The following COL6A1 variants were observed in gnomAD, a reference collection of about 807,000 sequenced individuals.
COL6A1 encodes the protein collagen alpha-1(VI) chain.
In COL6A1, 80 loss-of-function variants were observed where a neutral mutation model predicts 145.6. The observed-to-expected ratio is 0.55, with a 90% CI of 0.46 to 0.66. COL6A1 has a LOEUF of 0.66. Ranked by LOEUF, COL6A1 falls within the 30% of genes least tolerant of loss-of-function variation. COL6A1 has a pLI of 0.00. For missense variants in COL6A1, 1,364 were observed against 1,473.8 expected, an observed-to-expected ratio of 0.93 and a Z score of 1.22; for synonymous variants, 638 against 622.8, an observed-to-expected ratio of 1.02 and a Z score of -0.36.
At chr21:45,997,950 G>A (rs902892856) in intron 22 of COL6A1, among the ~76,000 whole-genome samples, 171 bp from the exon 23 acceptor site, 9 of 152,124 alleles carry the variant, frequency 5.9e-5, no homozygotes, top group Non-Finnish European at 8.8e-5. Context: ...CTCCTGCCCC[G>A]AGATCCGGGT....
chr21:46,001,141 C>T, intron 29 of COL6A1, 112 bp from the exon 30 acceptor site: 1 of 1,448,654 alleles, frequency 6.9e-7, no homozygotes, highest in Non-Finnish European at 9.4e-7. Flanking sequence ...GGGGGGACCC[C>T]AACGTGTCAG....
Position 45,982,705 on chromosome 21 carries a change from G to C in COL6A1, c.169G>C (p.Ala57Pro). Residue 57 changes from alanine (A) to proline (P), a missense_variant, in exon 2 of 35, where the codon GCC becomes CCC. Coordinates refer to ENST00000361866, the MANE Select transcript of COL6A1 (RefSeq NM_001848.3). ...SVALRLKPYG[A>P]LVDKVKSFTK... is the part of the protein sequence containing the mutation. ...GGCCCTGAGGCTGAAGCCCTACGGG[G>C]CCCTCGTGGACAAAGTCAAGTCCTT... 6.2e-7 allele frequency: 1 copy of C among 1,612,862 alleles called. No homozygotes were observed. The highest frequency in any genetic ancestry group is 8.5e-7 in the Non-Finnish European group (1 of 1,179,974).
At chr21:45,998,847 T>C in intron 24 of COL6A1, 50 bp from the exon 25 acceptor site, 2 of 1,544,634 alleles carry the variant, frequency 1.3e-6, no homozygotes, top group Non-Finnish European at 1.8e-6. Context: ...TTCCACTTCC[T>C]AAAAACAAAA....
chr21:45,997,452 A>G lies in COL6A1; in HGVS notation c.1430A>G (p.Tyr477Cys), dbSNP rs2077811667. Residue 477 changes from tyrosine to cysteine, a missense_variant, in exon 21 of 35, where the codon TAC (tyrosine) becomes TGC (cysteine). Around this residue, in one of 3 missense-constraint regions of COL6A1, gnomAD observed 938 missense variants for 1,003.8 expected, o/e 0.93. Transcript: ENST00000361866. ...GEAGPIGPKG[Y>C]RGDEGPPGSE... ...GCTGGCCCTATCGGACCTAAAGGCT[A>G]CCGAGGCGATGAGGGTCCCCCAGGG... The G allele has an allele frequency of 6.2e-7, 1 of 1,612,680 alleles. No homozygotes were observed. Among genetic ancestry groups the G allele is most frequent in the Non-Finnish European group, 8.5e-7 (1 of 1,179,864 alleles).
intron 24 of COL6A1, among the ~76,000 whole-genome samples, 153 bp downstream of exon 24, chr21:45,998,586 G>T (rs1238740766): frequency 6.6e-6 from 1 of 152,234 alleles, no homozygotes. Flanking sequence ...TGTGGCCACA[G>T]CCCCAGTTGG....
At position 46,000,371 on chromosome 21, in the gene COL6A1, A is replaced by G; in HGVS notation, c.1813+4A>G. The G allele has an allele frequency of 6.2e-7, 1 of 1,613,936 alleles. No individual in the cohort carries two copies. Among genetic ancestry groups the G allele is most frequent in the Non-Finnish European group, 8.5e-7 (1 of 1,179,888 alleles). ...GACATCATCATGAAAATGTGCTGTG[A>G]GTATCTCTGAGAAGCCGTCCTCGTT... On this transcript the variant is annotated splice_donor_region_variant and intron_variant, in intron 28 of 34. Transcript: ENST00000361866.
intron 21 of COL6A1, 27 bp from the exon 22 acceptor site, chr21:45,997,673 C>T (rs1432193029): frequency 1.3e-6 from 2 of 1,574,594 alleles, no homozygotes; most frequent in Non-Finnish European, 1.7e-6. Flanking sequence ...TAAGCCTGCT[C>T]CCCTCACGCC....
Position 45,987,154 on chromosome 21 carries a change from GA to G in COL6A1, c.722del (p.Asn241IlefsTer60). The G allele has an allele frequency of 6.3e-7, 1 of 1,598,698 alleles. No homozygotes were observed. Among genetic ancestry groups the G allele is most frequent in the Non-Finnish European group, 8.5e-7 (1 of 1,175,888 alleles). ...QTIDTIVDMIKNNVEQVCCSF... is the reference protein window; with the variant it reads ...QTIDTIVDMIXNNVEQVCCSF... ...TTCTGCGTTTCCATTTCTCTTTCCA[GA>G]AAAATAACGTGGAGCAAGTGGTAAG... On this transcript the variant is annotated frameshift_variant and splice_region_variant, in exon 6 of 35. Coordinates refer to ENST00000361866, the MANE Select transcript of COL6A1 (RefSeq NM_001848.3). LOFTEE classifies it high-confidence loss of function.
Position 46,003,571 on chromosome 21 carries a change from G to T in COL6A1, c.2645G>T (p.Gly882Val), listed in dbSNP as rs1274335165. 1 of 1,612,578 alleles carries T rather than the reference G, an allele frequency of 6.2e-7. No individual in the cohort carries two copies. Among genetic ancestry groups the T allele is most frequent in the Non-Finnish European group, 8.5e-7 (1 of 1,179,720 alleles). Residue 882 changes from glycine (G) to valine (V), a missense_variant, in exon 35 of 35, where the codon GGC becomes GTC. Around this residue, in one of 3 missense-constraint regions of COL6A1, gnomAD observed 938 missense variants for 1,003.8 expected, o/e 0.93. Coordinates refer to ENST00000361866, the MANE Select transcript of COL6A1 (RefSeq NM_001848.3). ...RVAVVQYSGT[G>V]QQRPERASLQ... ...GCGGTGGTGCAGTACAGCGGCACGG[G>T]CCAGCAGCGCCCAGAGCGGGCGTCG...
At chr21:45,991,232 G>A (rs1024689053) in intron 15 of COL6A1, among the ~76,000 whole-genome samples, 191 bp downstream of exon 15, 4 of 152,234 alleles carry the variant, frequency 2.6e-5, no homozygotes, top group Non-Finnish European at 5.9e-5. Flanking sequence ...GGGGACAGTG[G>A]CCGTGGCGCT....
intron 28 of COL6A1, 126 bp from the exon 29 acceptor site, chr21:46,000,633 A>G (rs925602861): frequency 2.2e-6 from 3 of 1,363,146 alleles, no homozygotes; most frequent in East Asian, 2.3e-5. Flanking sequence ...GAGGCCGGGG[A>G]AGGGGGGAGG....
Position 45,992,370 on chromosome 21 carries a change from C to T in COL6A1, c.1244C>T (p.Pro415Leu), listed in dbSNP as rs748486663. The change falls in exon 18 of 35, where the codon CCA becomes CTA. Residue 415 changes from proline to leucine, a missense_variant. By Grantham distance (98) the Pro-to-Leu change is moderately conservative. This residue lies in a region of COL6A1 where 938 missense variants were observed against 1,003.8 expected (regional missense o/e 0.93). Coordinates refer to ENST00000361866, the MANE Select transcript of COL6A1 (RefSeq NM_001848.3). Reference sequence around the variant, plus strand: ...TGTTTCTCTTCATCCCAGGGGAACCCAGGACCTGACGGTGCCCCCGGGGAG... The same window carrying T: ...TGTTTCTCTTCATCCCAGGGGAACCTAGGACCTGACGGTGCCCCCGGGGAG... ...EKGEAGDEGN[P>L]GPDGAPGERG... The T allele has an allele frequency of 6.2e-7, 1 of 1,613,664 alleles. No homozygotes were observed. Among genetic ancestry groups the T allele is most frequent in the Non-Finnish European group, 8.5e-7 (1 of 1,179,994 alleles).
At chr21:45,992,286 G>T in intron 17 of COL6A1, 69 bp downstream of exon 17, 1 of 1,613,466 alleles carries the variant, frequency 6.2e-7, no homozygotes, top group Non-Finnish European at 8.5e-7. Flanking sequence ...CTTTGCTCGG[G>T]GTCTACTCCA....
Position 45,998,887 on chromosome 21 carries a change from G to A in COL6A1, c.1612-10G>A, listed in dbSNP as rs141892165. The A allele has an allele frequency of 1.2e-3, 1,824 of 1,553,530 alleles. 18 individuals are homozygous for A. In the African/African-American group the frequency reaches 0.022, roughly 19 times the overall value. ...ACCCTTGTTAACCAAGTGCTCTCCC[G>A]TCACTGCAGGGCACGAAGGGCTACC... On this transcript the variant is annotated splice_polypyrimidine_tract_variant and intron_variant, in intron 24 of 34. Transcript: ENST00000361866.
At position 45,998,113 on chromosome 21, in the gene COL6A1, T is replaced by C. The variant is rs2077817016; in HGVS notation, c.1525-8T>C. 2 of 1,611,534 alleles carry C rather than the reference T, an allele frequency of 1.2e-6. No homozygotes were observed. Among genetic ancestry groups the C allele is most frequent in the Middle Eastern group, 1.7e-4 (1 of 6,044 alleles). On this transcript the variant is annotated splice_polypyrimidine_tract_variant and splice_region_variant and intron_variant, in intron 22 of 34. Coordinates refer to ENST00000361866, the MANE Select transcript of COL6A1 (RefSeq NM_001848.3). ...ATTCGCACGGTGACGGCTACTCTGC[T>C]CCCCCAGGGAGAAGACGGCCCCGCT...
At position 46,001,244 on chromosome 21, in the gene COL6A1, C is replaced by T. The variant is rs398123633; in HGVS notation, c.1823-9C>T. The stretch of plus-strand genomic sequence containing the variant: ...GGGCGTGCTCTGCTGACACCGCCCC[C>T]GCCTGCAGAATGCAAGTGCGGCCCC... On this transcript the variant is annotated splice_polypyrimidine_tract_variant and intron_variant, in intron 29 of 34. Coordinates refer to ENST00000361866, the MANE Select transcript of COL6A1 (RefSeq NM_001848.3). 1.4e-5 allele frequency: 23 copies of T among 1,603,558 alleles called. No individual in the cohort carries two copies. In the Admixed American group the frequency reaches 1.5e-4, roughly 10 times the overall value.
At chr21:45,984,238 G>A (rs755045004) in intron 2 of COL6A1, 31 bp from the exon 3 acceptor site, 53 of 1,578,928 alleles carry the variant, frequency 3.4e-5, no homozygotes, top group Middle Eastern at 1.8e-4. Flanking sequence ...GGGGCCGCCC[G>A]CCTCACGCCC....
At position 45,998,910 on chromosome 21, in the gene COL6A1, A is replaced by C; in HGVS notation, c.1625A>C (p.Tyr542Ser). The stretch of plus-strand genomic sequence containing the variant: ...CCGTCACTGCAGGGCACGAAGGGCT[A>C]CCCCGGCCTCAAGGGGGACGAGGGA... ...GAPGINGTKG[Y>S]PGLKGDEGEA... is the part of the protein sequence containing the mutation. Residue 542 changes from tyrosine to serine, a missense_variant, in exon 25 of 35, where the codon TAC (tyrosine) becomes TCC (serine). This residue lies in a region of COL6A1 where 938 missense variants were observed against 1,003.8 expected (regional missense o/e 0.93). Coordinates refer to ENST00000361866, the MANE Select transcript of COL6A1 (RefSeq NM_001848.3). The C allele has an allele frequency of 6.4e-7, 1 of 1,555,454 alleles. No individual in the cohort carries two copies. The highest frequency in any genetic ancestry group is 1.9e-5 in the Admixed American group (1 of 51,294).
At chr21:46,001,924 C>T (rs368874264) in intron 30 of COL6A1, 37 bp from the exon 31 acceptor site, 1 of 1,576,844 alleles carries the variant, frequency 6.3e-7, no homozygotes, top group African/African-American at 1.3e-5. Flanking sequence ...GGACCTGGGG[C>T]AGCACTCGCG....
Sources: gnomAD v4.1 joint callset for allele counts (sites outside exome capture counted in the v4.1 genomes callset) on GRCh38, gnomAD v4.1.1 for gene constraint, gnomAD v4.1.1 regional missense constraint, MANE v1.5 for transcripts, NCBI Gene and HGNC (gene_info 2026-07-23, HGNC 2026-07-21) for gene names.